The following MAN1A1 variants were observed in gnomAD, a reference collection of about 807,000 sequenced individuals.
MAN1A1 encodes mannosidase alpha class 1A member 1.
MAN1A1 carries 29 observed loss-of-function variants against 70.8 expected under a neutral mutation model. The observed-to-expected ratio is 0.41, with a 90% CI of 0.31 to 0.56. MAN1A1 has a LOEUF of 0.56. Ranked by LOEUF, MAN1A1 falls within the 20% of genes least tolerant of loss-of-function variation. The pLI, the probability that MAN1A1 is intolerant of heterozygous loss-of-function variation, is 0.29. For missense variants in MAN1A1, 747 were observed against 841.3 expected (o/e 0.89, Z 1.39); for synonymous variants, 349 against 330.1 (o/e 1.06, Z -0.62).
intron 7 of MAN1A1, among the ~76,000 whole-genome samples, chr6:119,202,180 T>C (rs1773731315): frequency 6.6e-6 from 1 of 152,202 alleles, no homozygotes; most frequent in Non-Finnish European, 1.5e-5. Flanking sequence ...AAACACACTT[T>C]GTATAGTTGT....
intron 2 of MAN1A1, among the ~76,000 whole-genome samples, chr6:119,325,874 A>G (rs997273635): frequency 3.9e-5 from 6 of 152,234 alleles, no homozygotes; most frequent in Admixed American, 3.9e-4. Flanking sequence ...TGCATATACT[A>G]GAAGTTACTA....
Position 119,193,759 on chromosome 6 carries a change from A to G in MAN1A1, c.1326+18T>C. ...AAGTTAGGGCTGAGTGGCAAAGATG[A>G]TTTAAATATTGGGTTACCTGAACAG... On this transcript the variant is annotated intron_variant, in intron 9 of 12. Coordinates refer to ENST00000368468, the MANE Select transcript of MAN1A1 (RefSeq NM_005907.4). 1 of 1,557,928 alleles carries G rather than the reference A, an allele frequency of 6.4e-7. No individual in the cohort carries two copies. Among genetic ancestry groups the G allele is most frequent in the Non-Finnish European group, 8.8e-7 (1 of 1,131,710 alleles).
chr6:119,205,523 G>A (rs1773835921), intron 6 of MAN1A1, among the ~76,000 whole-genome samples: 1 of 152,124 alleles, frequency 6.6e-6, no homozygotes, highest in African/African-American at 2.4e-5. Context: ...ATAAAAATCT[G>A]GAAAGGTGAA....
chr6:119,254,839 C>T (rs1006744565), intron 5 of MAN1A1, among the ~76,000 whole-genome samples: 1 of 152,136 alleles, frequency 6.6e-6, no homozygotes, highest in Admixed American at 6.5e-5. Context: ...TGCAACAGTT[C>T]TTTCGAGCAT....
At chr6:119,188,269 C>A in intron 11 of MAN1A1, 136 bp downstream of exon 11, 1 of 713,778 alleles carries the variant, frequency 1.4e-6, no homozygotes. Flanking sequence ...AATGAAAATA[C>A]ACAGTCCTGG....
At chr6:119,337,286 A>G (rs567014935) in intron 2 of MAN1A1, among the ~76,000 whole-genome samples, 2 of 152,356 alleles carry the variant, frequency 1.3e-5, no homozygotes, top group Admixed American at 6.5e-5. Flanking sequence ...TCAAAAAGAC[A>G]AAGACTTGTA....
intron 5 of MAN1A1, among the ~76,000 whole-genome samples, chr6:119,259,803 C>T (rs1436034989): frequency 6.6e-6 from 1 of 152,094 alleles, no homozygotes; most frequent in African/African-American, 2.4e-5. Flanking sequence ...ATTTGTACAC[C>T]TTGAAACTTA....
chr6:119,226,016 T>C (rs759292176), intron 6 of MAN1A1, among the ~76,000 whole-genome samples: 4 of 152,176 alleles, frequency 2.6e-5, no homozygotes, highest in Non-Finnish European at 4.4e-5. Flanking sequence ...TATCCATGCA[T>C]CTATCTGAAT....
Position 119,324,814 on chromosome 6 carries a change from T to A in MAN1A1, c.604-17822A>T, listed in dbSNP as rs57900721. ...AAAATAAAAGGCCACTGGTTTAAAC[T>A]GGGGCTTTTAATCTTGACACTACTG... On this transcript the variant is annotated intron_variant, in intron 2 of 12. Transcript: ENST00000368468. 5.8e-3 allele frequency among the ~76,000 whole-genome samples: 890 copies of A among 152,248 alleles called. 29 individuals carry two copies. The East Asian group carries it at 0.09, about 15-fold the overall frequency.
At chr6:119,346,212 C>T (rs1295386) in intron 2 of MAN1A1, among the ~76,000 whole-genome samples, 80,162 of 151,462 alleles carry the variant, frequency 0.53, 21,939 homozygotes, top group African/African-American at 0.67. Context: ...AATCCAAATA[C>T]GTAAAGTTAA....
In MAN1A1 at chr6:119,318,481, T is replaced by C. The variant is rs550630299; in HGVS notation, c.604-11489A>G. Among the ~76,000 whole-genome samples the C allele has an allele frequency of 3.3e-5, 5 of 152,362 alleles. No homozygotes were observed. The South Asian group carries it at 1.0e-3, about 32-fold the overall frequency. On this transcript the variant is annotated intron_variant, in intron 2 of 12. Coordinates refer to ENST00000368468, the MANE Select transcript of MAN1A1 (RefSeq NM_005907.4). ...GTGACCCATGCAATCTGGGGGAAAC[T>C]TGGCTTCCAAATAAAGTGTTACTCA...
intron 3 of MAN1A1, among the ~76,000 whole-genome samples, chr6:119,304,225 GAGAA>G (rs1772471942): frequency 6.6e-6 from 1 of 152,142 alleles, no homozygotes; most frequent in African/African-American, 2.4e-5. Flanking sequence ...TAATAATAAT[GAGAA>G]AGAAACCTGA....
intron 3 of MAN1A1, among the ~76,000 whole-genome samples, chr6:119,304,851 A>G (rs1438965368): frequency 6.6e-6 from 1 of 152,170 alleles, no homozygotes; most frequent in South Asian, 2.1e-4. Flanking sequence ...AAGAACTTAC[A>G]TTTTCCTATC....
chr6:119,191,723 A>C (rs1386928433), intron 9 of MAN1A1, among the ~76,000 whole-genome samples: 1 of 152,182 alleles, frequency 6.6e-6, no homozygotes, highest in East Asian at 1.9e-4. Flanking sequence ...GAAAGCTCAA[A>C]ATATTTTGTT....
At position 119,189,748 on chromosome 6, in the gene MAN1A1, C is replaced by T. The variant is rs1335073544; in HGVS notation, c.1462G>A (p.Ala488Thr). The change falls in exon 10 of 13, where the codon GCA becomes ACA. Residue 488 changes from alanine (A) to threonine (T), a missense_variant. Ala to Thr is a moderately conservative substitution (Grantham distance 58). Transcript: ENST00000368468. Reference sequence around the variant, plus strand: ...TGTTGGGCCATGCCTTCGGGAGCTGCATCAGCCCCGAGTGCGAACATGCCC... The same window carrying T: ...TGTTGGGCCATGCCTTCGGGAGCTGTATCAGCCCCGAGTGCGAACATGCCC... ...AGGMFALGAD[A>T]APEGMAQHYL... 1.9e-6 allele frequency: 3 copies of T among 1,613,992 alleles called. No individual in the cohort carries two copies. The highest frequency in any genetic ancestry group is 2.2e-5 in the South Asian group (2 of 91,078).
rs1021659775 is a variant in MAN1A1 at position 119,349,728 on chromosome 6, G to C, written c.-409C>G. ...CGGGCGAATGGCAGCGAGTAGAGCA[G>C]CACGGTACACTCCGCCGCGGCCCCG... On this transcript the variant is annotated 5_prime_UTR_variant, in exon 1 of 13. Coordinates refer to ENST00000368468, the MANE Select transcript of MAN1A1 (RefSeq NM_005907.4). The C allele has an allele frequency of 1.0e-6, 1 of 985,616 alleles. No homozygotes were observed. Among genetic ancestry groups the C allele is most frequent in the Non-Finnish European group, 1.2e-6 (1 of 830,054 alleles). The allele number at this position is 985,616 out of a possible 1,614,324, so 61.1% of individuals were successfully genotyped here.
At chr6:119,347,560 G>A (rs1383245244) in intron 2 of MAN1A1, among the ~76,000 whole-genome samples, 1 of 152,184 alleles carries the variant, frequency 6.6e-6, no homozygotes, top group Non-Finnish European at 1.5e-5. Context: ...CACAGACCGC[G>A]TGGTGACAGG....
chr6:119,295,489 T>A (rs755214338), intron 4 of MAN1A1, among the ~76,000 whole-genome samples: 1 of 152,120 alleles, frequency 6.6e-6, no homozygotes, highest in Non-Finnish European at 1.5e-5. Context: ...AGCCTTATGA[T>A]GTTTATTTAG....
At chr6:119,212,145 T>G (rs1472919325) in intron 6 of MAN1A1, among the ~76,000 whole-genome samples, 1 of 133,676 alleles carries the variant, frequency 7.5e-6, no homozygotes, top group East Asian at 1.9e-4. Flanking sequence ...CGGCCAATAG[T>G]AGGTTTTTTT....
Sources: gnomAD v4.1 joint callset for allele counts (sites outside exome capture counted in the v4.1 genomes callset) on GRCh38, gnomAD v4.1.1 for gene constraint, MANE v1.5 for transcripts, NCBI Gene and HGNC (gene_info 2026-07-23, HGNC 2026-07-21) for gene names.